CDKL1: variants seen among roughly 807,000 people sequenced by gnomAD.
The protein encoded by CDKL1 is cyclin dependent kinase like 1.
Under a neutral mutation model 42.0 loss-of-function variants are expected in CDKL1, and 41 were observed. That is an observed-to-expected ratio of 0.98 (90% CI 0.76 to 1.27). CDKL1 has a LOEUF of 1.27. CDKL1 is among the 50% of genes most tolerant of loss of function. CDKL1 has a pLI of 0.00. For missense variants in CDKL1, 394 were observed against 428.4 expected, an observed-to-expected ratio of 0.92 and a Z score of 0.71; for synonymous variants, 153 against 158.6, an observed-to-expected ratio of 0.96 and a Z score of 0.26.
intron 2 of CDKL1, chr14:50,378,346 A>G (rs1464291809): frequency 1.5e-6 from 2 of 1,366,316 alleles, no homozygotes; most frequent in African/African-American, 2.9e-5. Flanking sequence ...CGAGGAAATA[A>G]CTGCACTCAA....
intron 2 of CDKL1, chr14:50,389,987 G>A: frequency 2.1e-6 from 1 of 486,828 alleles, no homozygotes; most frequent in Non-Finnish European, 4.0e-6. Flanking sequence ...TTTGTAAAAT[G>A]GGATAACAAT....
intron 2 of CDKL1, among the ~76,000 whole-genome samples, chr14:50,377,367 G>T (rs1188415110): frequency 1.3e-5 from 2 of 152,186 alleles, no homozygotes; most frequent in South Asian, 4.1e-4. Flanking sequence ...TCCTTAAAGA[G>T]GCCTGGCAGG....
intron 3 of CDKL1, among the ~76,000 whole-genome samples, chr14:50,354,012 T>C (rs1351249083): frequency 6.6e-6 from 1 of 151,760 alleles, no homozygotes; most frequent in Non-Finnish European, 1.5e-5. Flanking sequence ...TGGACTGCAG[T>C]GGCACTATCT....
At chr14:50,355,718 G>A (rs2034035147) in intron 3 of CDKL1, among the ~76,000 whole-genome samples, 2 of 152,220 alleles carry the variant, frequency 1.3e-5, no homozygotes, top group Non-Finnish European at 2.9e-5. Context: ...CCCAGAAGAT[G>A]TTATAGAGGC....
At chr14:50,344,454 T>C (rs1048637485) in intron 4 of CDKL1, among the ~76,000 whole-genome samples, 1 of 144,252 alleles carries the variant, frequency 6.9e-6, no homozygotes, top group Non-Finnish European at 1.5e-5. Flanking sequence ...ATGACTAATT[T>C]TTTGTTCTTT....
intron 3 of CDKL1, chr14:50,357,994 T>G (rs761686910): frequency 1.6e-6 from 2 of 1,281,270 alleles, no homozygotes; most frequent in Non-Finnish European, 2.1e-6. Context: ...AGCTGAGGAG[T>G]GGGTGGGAGC....
At chr14:50,330,309 G>A in intron 9 of CDKL1, 128 bp from the exon 10 acceptor site, 1 of 1,146,650 alleles carries the variant, frequency 8.7e-7, no homozygotes, top group Non-Finnish European at 1.2e-6. Context: ...CACAATCCAG[G>A]ACTTGAGAGA....
intron 8 of CDKL1, chr14:50,333,901 A>T (rs2033110108): frequency 6.7e-6 from 1 of 150,322 alleles, no homozygotes; most frequent in African/African-American, 2.4e-5. Context: ...ATATATATAT[A>T]AATATATATA....
intron 4 of CDKL1, among the ~76,000 whole-genome samples, chr14:50,344,769 G>A (rs553843559): frequency 6.6e-6 from 1 of 152,188 alleles, no homozygotes; most frequent in East Asian, 1.9e-4. Flanking sequence ...ACCATGCCTG[G>A]CACTAGTTTC....
At chr14:50,341,273 G>A in intron 5 of CDKL1, 41 bp from the exon 6 acceptor site, 1 of 1,549,098 alleles carries the variant, frequency 6.5e-7, no homozygotes, top group Non-Finnish European at 8.8e-7. Flanking sequence ...AGCAGCGGAA[G>A]GCTGGAATCA....
intron 2 of CDKL1, chr14:50,378,457 A>T (rs746625762): frequency 1.5e-6 from 2 of 1,364,744 alleles, no homozygotes; most frequent in African/African-American, 3.0e-5. Context: ...ATTCATTAAT[A>T]TGAGAGCACT....
At chr14:50,392,932 T>A (rs1279388891) in intron 2 of CDKL1, among the ~76,000 whole-genome samples, 1 of 152,198 alleles carries the variant, frequency 6.6e-6, no homozygotes. Flanking sequence ...TAGATTCCTA[T>A]GTGCTCTTCT....
intron 2 of CDKL1, among the ~76,000 whole-genome samples, chr14:50,389,731 C>G (rs10130714): frequency 0.79 from 120,880 of 152,138 alleles, 48,689 homozygotes; most frequent in African/African-American, 0.93. Flanking sequence ...TGTTCAGCTA[C>G]AATCTGCACT....
chr14:50,389,574 T>C lies in CDKL1; in HGVS notation c.168+6127A>G, dbSNP rs192717991. 2.6e-4 allele frequency among the ~76,000 whole-genome samples: 40 copies of C among 152,348 alleles called. 1 individual carries two copies. Among genetic ancestry groups the C allele is most frequent in the Admixed American group, 2.3e-3 (35 of 15,306 alleles). ...CTGCATTACGTTGTGATATTTATAA[T>C]TAATTTTCAAATGGACATTTCCCCT... On this transcript the variant is annotated intron_variant, in intron 2 of 9. Transcript: ENST00000395834.
rs1331365041 is a variant in CDKL1, at chr14:50,327,359, T to G, written c.*2715A>C. On this transcript the variant is annotated 3_prime_UTR_variant, in exon 10 of 10. Coordinates refer to ENST00000395834, the MANE Select transcript of CDKL1 (RefSeq NM_004196.7). ...CAAAAAAAAAAAAAAAAGTGAAAAA[T>G]AGATAAAACAGGTCTTCATTGTTAC... is the stretch of plus-strand genomic sequence containing the variant. 1 of 145,340 alleles carries G rather than the reference T, an allele frequency of 6.9e-6. No individual in the cohort carries two copies. Among genetic ancestry groups the G allele is most frequent in the Non-Finnish European group, 1.5e-5 (1 of 66,462 alleles). 9.0% of individuals were successfully genotyped at this position (145,340 alleles called of 1,614,324 possible).
At chr14:50,377,420 G>A (rs1282488237) in intron 2 of CDKL1, 1 of 302,686 alleles carries the variant, frequency 3.3e-6, no homozygotes, top group African/African-American at 2.3e-5. Flanking sequence ...CTCCTTCCTT[G>A]TTTTCTCCCC....
chr14:50,369,650 G>A (rs2034535419), intron 2 of CDKL1, among the ~76,000 whole-genome samples: 1 of 148,024 alleles, frequency 6.8e-6, no homozygotes, highest in Admixed American at 6.8e-5. Context: ...ATATATAGTT[G>A]CTCTATTGCC....
In CDKL1 at chr14:50,329,110, G is replaced by A. The variant is rs2032815541; in HGVS notation, c.*964C>T. On this transcript the variant is annotated 3_prime_UTR_variant, in exon 10 of 10. Transcript: ENST00000395834. The stretch of plus-strand genomic sequence containing the variant: ...AAACATAGTGCAAAAAGATGTTTCA[G>A]GGAAAACATCAGTTTACAACATAAT... The A allele has an allele frequency of 6.6e-6, 1 of 150,684 alleles. No homozygotes were observed. The highest frequency in any genetic ancestry group is 2.4e-5 in the African/African-American group (1 of 40,940). The allele number at this position is 150,684 out of a possible 1,614,324, so 9.3% of individuals were successfully genotyped here. A position where few individuals can be genotyped will look rare whatever the true frequency, so the allele number is the denominator to read the frequency against.
intron 2 of CDKL1, chr14:50,378,361 G>A: frequency 7.3e-7 from 1 of 1,366,344 alleles, no homozygotes; most frequent in Non-Finnish European, 9.8e-7. Context: ...ACTCAAGAAT[G>A]ACAAGACCTG....
Sources: allele counts gnomAD v4.1 joint callset (sites outside exome capture counted in the v4.1 genomes callset), GRCh38; gene constraint gnomAD v4.1.1; transcripts MANE v1.5; gene names NCBI Gene and HGNC (gene_info 2026-07-23, HGNC 2026-07-21).